Variants in NRG1 observed in about 807,000 individuals in gnomAD.
NRG1 encodes the protein pro-neuregulin-1, membrane-bound isoform.
A neutral mutation model predicts 63.8 loss-of-function variants in NRG1; 18 were observed. The observed-to-expected ratio is 0.28, with a 90% CI of 0.19 to 0.42. NRG1 has a LOEUF of 0.42. Among genes scored for constraint, NRG1 ranks in the 10% least tolerant of loss-of-function variants. NRG1 has a pLI of 1.00. For synonymous variants in NRG1, 302 were observed against 301.3 expected, an observed-to-expected ratio of 1.00 and a Z score of -0.02; for missense variants, 762 against 814.7, an observed-to-expected ratio of 0.94 and a Z score of 0.79.
intron 1 of NRG1, among the ~76,000 whole-genome samples, chr8:32,075,919 C>T (rs910711259): frequency 1.3e-5 from 2 of 151,716 alleles, no homozygotes; most frequent in Admixed American, 6.5e-5. Context: ...GTGATCCGCC[C>T]ACCTTGGCCT....
intron 1 of NRG1, among the ~76,000 whole-genome samples, chr8:32,427,713 C>T (rs982259689): frequency 6.6e-6 from 1 of 152,170 alleles, no homozygotes; most frequent in Non-Finnish European, 1.5e-5. Context: ...GTTTGAATTA[C>T]ATTTATCAAA....
chr8:31,813,087 G>A (rs948734136), intron 1 of NRG1, among the ~76,000 whole-genome samples: 1 of 152,112 alleles, frequency 6.6e-6, no homozygotes, highest in Non-Finnish European at 1.5e-5. Context: ...TATACTATAT[G>A]TTGTCAGCTA....
intron 1 of NRG1, among the ~76,000 whole-genome samples, chr8:31,845,241 T>C (rs1826581759): frequency 6.6e-6 from 1 of 152,186 alleles, no homozygotes. Context: ...ACATATTAAA[T>C]TATTGGTATG....
intron 1 of NRG1, among the ~76,000 whole-genome samples, chr8:32,466,885 A>G (rs1038791468): frequency 1.3e-5 from 2 of 152,122 alleles, no homozygotes; most frequent in Non-Finnish European, 2.9e-5. Context: ...TTATAAAAAT[A>G]AGTAGAATGA....
intron 1 of NRG1, among the ~76,000 whole-genome samples, chr8:32,068,527 G>A (rs189738596): frequency 2.6e-5 from 4 of 152,282 alleles, no homozygotes; most frequent in East Asian, 3.9e-4. Flanking sequence ...GAGAAAAAGC[G>A]GAGGGACTGG....
intron 1 of NRG1, among the ~76,000 whole-genome samples, chr8:31,851,244 T>A (rs1827183997): frequency 6.6e-6 from 1 of 152,198 alleles, no homozygotes; most frequent in Admixed American, 6.5e-5. Flanking sequence ...TTAGTAAATG[T>A]TTGATGGTGT....
chr8:31,662,643 G>A (rs1238248424), intron 1 of NRG1, among the ~76,000 whole-genome samples: 1 of 152,124 alleles, frequency 6.6e-6, no homozygotes, highest in Non-Finnish European at 1.5e-5. Flanking sequence ...CACCTTTTAG[G>A]ACCTCATCCT....
intron 1 of NRG1, among the ~76,000 whole-genome samples, chr8:32,169,270 G>A (rs1271703729): frequency 1.3e-5 from 2 of 152,126 alleles, no homozygotes; most frequent in Admixed American, 1.3e-4. Context: ...GCCTGGTTGG[G>A]TGGTCTTTTT....
chr8:32,076,614 T>G (rs1297510641), intron 1 of NRG1, among the ~76,000 whole-genome samples: 1 of 151,986 alleles, frequency 6.6e-6, no homozygotes, highest in East Asian at 1.9e-4. Context: ...AAATAACTAA[T>G]GTATACTAGG....
chr8:32,645,975 T>C (rs1477296418), intron 5 of NRG1, among the ~76,000 whole-genome samples: 1 of 152,202 alleles, frequency 6.6e-6, no homozygotes, highest in Non-Finnish European at 1.5e-5. Context: ...AGAAAACTCT[T>C]CTTAGTACTT....
intron 1 of NRG1, among the ~76,000 whole-genome samples, chr8:32,039,817 G>A (rs1402785845): frequency 1.3e-5 from 2 of 151,506 alleles, no homozygotes; most frequent in Non-Finnish European, 2.9e-5. Context: ...CCAGGAGTTC[G>A]AGACCAGCCT....
chr8:32,634,665 T>C (rs1349941793), intron 5 of NRG1, among the ~76,000 whole-genome samples: 1 of 152,254 alleles, frequency 6.6e-6, no homozygotes, highest in African/African-American at 2.4e-5. Context: ...TTTTGTTTTC[T>C]TCTTTTGTTC....
intron 1 of NRG1, among the ~76,000 whole-genome samples, chr8:32,355,950 G>C (rs1015260790): frequency 1.3e-5 from 2 of 152,078 alleles, no homozygotes; most frequent in African/African-American, 4.8e-5. Context: ...GACAAGGTTT[G>C]TTGTGCACGT....
Position 32,165,475 on chromosome 8 carries a change from A to T in NRG1, c.38-430353A>T, listed in dbSNP as rs16878905. Among the ~76,000 whole-genome samples the T allele has an allele frequency of 9.1e-3, 1,385 of 152,262 alleles. 22 individuals carry two copies. Among genetic ancestry groups the T allele is most frequent in the African/African-American group, 0.03 (1,231 of 41,540 alleles). ...TTATTATTGAGTAGATTGTAGTCTAATGAAAACATATGAGTATAATAAACA... is the reference window on the plus strand; with the variant it reads ...TTATTATTGAGTAGATTGTAGTCTATTGAAAACATATGAGTATAATAAACA... On this transcript the variant is annotated intron_variant, in intron 1 of 10. Transcript: ENST00000519301.
rs114747031 is a variant in NRG1 at position 32,113,773 on chromosome 8, A to G, written c.37+474342A>G. ...TAGAACACAAAATAACTTAGAGCAG[A>G]ATAAGAAAACATGGTAGTGCATTGT... On this transcript the variant is annotated intron_variant, in intron 1 of 10. Transcript: ENST00000519301. Among the ~76,000 whole-genome samples, 387 of 152,314 alleles carry G rather than the reference A, an allele frequency of 2.5e-3. 2 individuals are homozygous for G. The highest frequency in any genetic ancestry group is 8.9e-3 in the African/African-American group (370 of 41,574).
At chr8:32,014,214 CCT>C (rs1158663323) in intron 1 of NRG1, among the ~76,000 whole-genome samples, 1 of 152,022 alleles carries the variant, frequency 6.6e-6, no homozygotes, top group Non-Finnish European at 1.5e-5. Context: ...TTGTTTGTGT[CCT>C]CTTTTATTTC....
intron 1 of NRG1, among the ~76,000 whole-genome samples, chr8:31,875,617 T>G (rs959837742): frequency 6.6e-6 from 1 of 152,110 alleles, no homozygotes; most frequent in Non-Finnish European, 1.5e-5. Flanking sequence ...TCCTCTGCGA[T>G]TATGTGGCAA....
chr8:31,830,216 G>A (rs1563454381), intron 1 of NRG1, among the ~76,000 whole-genome samples: 1 of 152,146 alleles, frequency 6.6e-6, no homozygotes, highest in Non-Finnish European at 1.5e-5. Context: ...GGAATGAGTT[G>A]TTACTAGACA....
chr8:32,367,560 C>G (rs1157993419), intron 1 of NRG1, among the ~76,000 whole-genome samples: 1 of 152,056 alleles, frequency 6.6e-6, no homozygotes, highest in African/African-American at 2.4e-5. Flanking sequence ...CCTGGATATA[C>G]AAGGAACTCA....
Sources: allele counts gnomAD v4.1 joint callset (sites outside exome capture counted in the v4.1 genomes callset), GRCh38; gene constraint gnomAD v4.1.1; transcripts MANE v1.5; gene names NCBI Gene and HGNC (gene_info 2026-07-23, HGNC 2026-07-21).